The following SLC8A2 variants were observed in gnomAD, a reference collection of about 807,000 sequenced individuals.
SLC8A2 encodes the protein solute carrier family 8 member A2.
A neutral mutation model predicts 70.2 loss-of-function variants in SLC8A2; 14 were observed. That is an observed-to-expected ratio of 0.20 (90% CI 0.13 to 0.31). The LOEUF (loss-of-function observed/expected upper bound fraction) is 0.31, where lower values mean the gene tolerates loss of function less well. Ranked by LOEUF, SLC8A2 falls within the 10% of genes least tolerant of loss-of-function variation. The probability of loss-of-function intolerance (pLI) is 1.00; values close to 1 mark genes in which losing one functional copy is unlikely to be tolerated. For synonymous variants in SLC8A2, 575 were observed against 594.3 expected (o/e 0.97, Z 0.47); for missense variants, 779 against 1,320.1 (o/e 0.59, Z 6.35).
intron 2 of SLC8A2, among the ~76,000 whole-genome samples, chr19:47,459,969 G>A (rs558443504): frequency 1.3e-5 from 2 of 151,818 alleles, no homozygotes; most frequent in South Asian, 4.2e-4. Context: ...CTGCTGTCAA[G>A]GGACAGAGCC....
At chr19:47,470,160 A>G (rs1967515610) in intron 1 of SLC8A2, among the ~76,000 whole-genome samples, 1 of 152,098 alleles carries the variant, frequency 6.6e-6, no homozygotes, top group African/African-American at 2.4e-5. Context: ...TCACCTCAAA[A>G]TGGTCCAGTG....
At chr19:47,446,851 G>A (rs1244917205) in intron 4 of SLC8A2, among the ~76,000 whole-genome samples, 2 of 98,160 alleles carry the variant, frequency 2.0e-5, no homozygotes, top group Non-Finnish European at 2.7e-5. Context: ...TGCCGTGTGT[G>A]TCTATGTGTG....
intron 2 of SLC8A2, among the ~76,000 whole-genome samples, chr19:47,458,304 C>T (rs1429392587): frequency 8.4e-6 from 1 of 119,330 alleles, no homozygotes; most frequent in Non-Finnish European, 1.7e-5. Context: ...CTTTCCCCAT[C>T]TCTCTCCATC....
intron 8 of SLC8A2, 60 bp downstream of exon 8, chr19:47,437,402 C>T: frequency 8.3e-7 from 1 of 1,200,934 alleles, no homozygotes; most frequent in Admixed American, 1.7e-5. Context: ...ATTTCTCCCC[C>T]TTTCCCTGTG....
At position 47,440,637 on chromosome 19, in the gene SLC8A2, C is replaced by T. The variant is rs865883647; in HGVS notation, c.1885+532G>A. Among the ~76,000 whole-genome samples the T allele has an allele frequency of 6.0e-5, 9 of 150,546 alleles. No individual in the cohort carries two copies. The South Asian group carries it at 1.7e-3, about 28-fold the overall frequency. ...GCAGAGTTTCGTTCTTGTTCCCCAG[C>T]GTGGAGTGCAATGGCGCGATCTCGG... On this transcript the variant is annotated intron_variant, in intron 6 of 9. Transcript: ENST00000236877.
chr19:47,433,270 TA>T lies in SLC8A2; in HGVS notation c.2111-826del, dbSNP rs1966986634. Among the ~76,000 whole-genome samples the T allele has an allele frequency of 2.0e-5, 3 of 152,096 alleles. No homozygotes were observed. The South Asian group carries it at 6.2e-4, about 32-fold the overall frequency. ...AGCTAACCAGAGCCACAGTCTCCAC[TA>T]AATGTACTCACTTTCCCAGAATCCC... On this transcript the variant is annotated intron_variant, in intron 8 of 9. Transcript: ENST00000236877.
chr19:47,451,911 A>C (rs1967239298), intron 3 of SLC8A2, among the ~76,000 whole-genome samples: 3 of 152,222 alleles, frequency 2.0e-5, no homozygotes, highest in African/African-American at 7.2e-5. Context: ...AAGGAGACTA[A>C]AGAGATTTGA....
rs1044780267 is a variant in SLC8A2 at position 47,430,341 on chromosome 19, G to A, written c.2514C>T (p.Ala838=). 1.5e-5 allele frequency: 24 copies of A among 1,612,122 alleles called. No homozygotes were observed. The Admixed American group carries it at 2.3e-4, about 16-fold the overall frequency. The part of the protein sequence containing the change: ...LGLGVAWSVA[A]VYWAVQGRPF... ...GGCGGCCCTGCACCGCCCAGTACAC[G>A]GCGGCCACAGACCAGGCGACGCCCA... is the stretch of plus-strand genomic sequence containing the variant. Residue 838 remains alanine, a synonymous_variant, in exon 10 of 10, where the codon GCC becomes GCT. Transcript: ENST00000236877. The surrounding 1 kb of genome is among the most constrained non-coding windows in gnomAD (Gnocchi z 5.9).
intron 2 of SLC8A2, among the ~76,000 whole-genome samples, chr19:47,461,690 C>T (rs1036797322): frequency 1.3e-5 from 2 of 152,212 alleles, no homozygotes; most frequent in East Asian, 1.9e-4. Context: ...GAATGTTCAG[C>T]GCAAGCTGTG....
chr19:47,456,862 G>A, intron 3 of SLC8A2, 68 bp downstream of exon 3: 1 of 1,454,898 alleles, frequency 6.9e-7, no homozygotes, highest in Non-Finnish European at 9.1e-7. Context: ...AGAGCCTGGA[G>A]GCCGCCGGAC....
At chr19:47,441,257 G>T in intron 5 of SLC8A2, 71 bp from the exon 6 acceptor site, 2 of 1,596,256 alleles carry the variant, frequency 1.3e-6, no homozygotes, top group South Asian at 2.2e-5. Context: ...GAGCTTTAAG[G>T]AGTGCCTGCA....
intron 6 of SLC8A2, among the ~76,000 whole-genome samples, chr19:47,440,690 C>T (rs370076823): frequency 1.1e-4 from 17 of 152,206 alleles, no homozygotes; most frequent in East Asian, 3.9e-4. Flanking sequence ...CTCCCGGGTT[C>T]GAGCGATTCT....
intron 3 of SLC8A2, among the ~76,000 whole-genome samples, chr19:47,452,436 GA>G (rs1967252170): frequency 2.1e-5 from 2 of 95,320 alleles, no homozygotes; most frequent in African/African-American, 4.5e-5. Context: ...GAGAGAGAGA[GA>G]GAGAGAGAGT....
intron 4 of SLC8A2, among the ~76,000 whole-genome samples, chr19:47,443,494 G>A (rs926000566): frequency 7.2e-5 from 11 of 152,074 alleles, no homozygotes; most frequent in Admixed American, 3.3e-4. Flanking sequence ...TCACCCAATC[G>A]AGGAAGCACA....
chr19:47,467,150 G>A (rs746017791), intron 1 of SLC8A2, among the ~76,000 whole-genome samples: 4 of 152,166 alleles, frequency 2.6e-5, no homozygotes, highest in Admixed American at 1.3e-4. Context: ...GGAGAAATAC[G>A]TTTGGAGGAT....
rs548940269 is a variant in SLC8A2 at position 47,448,293 on chromosome 19, C to CG, written c.1341-63dup. On this transcript the variant is annotated intron_variant, in intron 3 of 9. Transcript: ENST00000236877. This position sits in a 1 kb window ranked among gnomAD's most constrained non-coding sequence, Gnocchi z 4.8. ...GGTCGGTCATCGGCTGTGTGTTGTA[C>CG]GGGGGGAGTCTGGACGTGCTTCCCA... is the stretch of plus-strand genomic sequence containing the variant. The CG allele has an allele frequency of 5.4e-4, 711 of 1,310,462 alleles. 11 individuals are homozygous for CG. In the South Asian group the frequency reaches 5.9e-3, roughly 11 times the overall value. The allele number at this position is 1,310,462 out of a possible 1,614,324, so 81.2% of individuals were successfully genotyped here.
rs1967183194 is a variant in SLC8A2, at chr19:47,447,696, CAAG to C, written c.1763+110_1763+112del. On this transcript the variant is annotated intron_variant, in intron 4 of 9. Coordinates refer to ENST00000236877, the MANE Select transcript of SLC8A2 (RefSeq NM_015063.3). This position sits in a 1 kb window ranked among gnomAD's most constrained non-coding sequence, Gnocchi z 5.1. ...GGCCCCTCCCCTCCCGAGGCCCAAC[CAAG>C]ACCCGCCCACTATGTGGGCATGGCT... 2 of 1,215,530 alleles carry C rather than the reference CAAG, an allele frequency of 1.6e-6. No individual in the cohort carries two copies. Among genetic ancestry groups the C allele is most frequent in the African/African-American group, 1.6e-5 (1 of 62,140 alleles). The allele number at this position is 1,215,530 out of a possible 1,614,324, so 75.3% of individuals were successfully genotyped here. A position where few individuals can be genotyped will look rare whatever the true frequency, so the allele number is the denominator to read the frequency against.
intron 6 of SLC8A2, among the ~76,000 whole-genome samples, chr19:47,439,325 C>T (rs969190011): frequency 6.6e-6 from 1 of 152,048 alleles, no homozygotes; most frequent in African/African-American, 2.4e-5. Flanking sequence ...GTCAGGAGTT[C>T]GAGACCAGCC....
Position 47,465,684 on chromosome 19 carries a change from G to T in SLC8A2, c.675+45C>A. ...AGCCAAGAGCACCTCTCTGGATTTT[G>T]CAGACACACATGCACCAAGAAAGCA... On this transcript the variant is annotated intron_variant, in intron 2 of 9. Transcript: ENST00000236877. The surrounding 1 kb of genome is among the most constrained non-coding windows in gnomAD (Gnocchi z 5.5). 6.7e-7 allele frequency: 1 copy of T among 1,483,088 alleles called. No individual in the cohort carries two copies. The highest frequency in any genetic ancestry group is 9.2e-7 in the Non-Finnish European group (1 of 1,091,854). 91.9% of individuals were successfully genotyped at this position (1,483,088 alleles called of 1,614,324 possible).
Sources: gnomAD v4.1 joint callset for allele counts (sites outside exome capture counted in the v4.1 genomes callset) on GRCh38, gnomAD v4.1.1 for gene constraint, Gnocchi (gnomAD v3.1) non-coding constraint, MANE v1.5 for transcripts, NCBI Gene and HGNC (gene_info 2026-07-23, HGNC 2026-07-21) for gene names.